The following NIPBL variants were observed in gnomAD, a reference collection of about 807,000 sequenced individuals.
NIPBL encodes NIPBL cohesin loading factor.
In NIPBL, 19 loss-of-function variants were observed where a neutral mutation model predicts 321.8. The observed-to-expected ratio is 0.06, with a 90% CI of 0.04 to 0.09. The LOEUF is 0.09. NIPBL is among the 10% of genes least tolerant of loss of function. NIPBL has a pLI of 1.00. For synonymous variants in NIPBL, 1,106 were observed against 1,114.1 expected (o/e 0.99, Z 0.14); for missense variants, 2,210 against 3,327.0 (o/e 0.66, Z 8.26).
At chr5:37,051,312 T>C (rs1383853942) in intron 40 of NIPBL, 9 of 179,398 alleles carry the variant, frequency 5.0e-5, no homozygotes, top group Non-Finnish European at 1.0e-4. Context: ...ATGACTGTTA[T>C]CAACTCTCTG....
chr5:37,032,586 G>A (rs1203205906), intron 32 of NIPBL, among the ~76,000 whole-genome samples: 1 of 151,998 alleles, frequency 6.6e-6, no homozygotes, highest in Admixed American at 6.6e-5. Flanking sequence ...CCTGGACAAT[G>A]TACTGAGACC....
chr5:37,036,602 C>A, intron 33 of NIPBL, 115 bp downstream of exon 33: 1 of 339,866 alleles, frequency 2.9e-6, no homozygotes, highest in South Asian at 6.0e-5. Context: ...GATTACTTCA[C>A]TTTTAAATGA....
intron 1 of NIPBL, among the ~76,000 whole-genome samples, chr5:36,929,264 C>T (rs1749595505): frequency 6.6e-6 from 1 of 151,818 alleles, no homozygotes; most frequent in African/African-American, 2.4e-5. Flanking sequence ...ATACTGAGCA[C>T]TTTTTTTTAT....
At chr5:36,952,053 T>TGTGTGTGTGTGTGTGTGTGTGTGTGCGC (rs778597604) in intron 1 of NIPBL, among the ~76,000 whole-genome samples, 11 of 112,110 alleles carry the variant, frequency 9.8e-5, no homozygotes, top group East Asian at 3.5e-4. Context: ...TGTGTGTGTG[T>TGTGTGTGTGTGTGTGTGTGTGTGTGCGC]GCGCGCGCGC....
chr5:36,892,985 A>G (rs1435024975), intron 1 of NIPBL, among the ~76,000 whole-genome samples: 3 of 152,348 alleles, frequency 2.0e-5, no homozygotes, highest in Non-Finnish European at 4.4e-5. Context: ...ACTTGATTAA[A>G]TTACTAGAAG....
chr5:37,000,229 A>G (rs984541168), intron 11 of NIPBL, 144 bp from the exon 12 acceptor site: 1 of 731,492 alleles, frequency 1.4e-6, no homozygotes, highest in African/African-American at 1.8e-5. Context: ...ATCATAACTT[A>G]AACTTCTGGA....
At chr5:37,064,358 G>GT (rs887735271) in intron 46 of NIPBL, 169 bp from the exon 47 acceptor site, 2 of 985,092 alleles carry the variant, frequency 2.0e-6, no homozygotes, top group Non-Finnish European at 2.4e-6. Context: ...ACAAGTATAT[G>GT]TTAACCCCTT....
At position 36,984,993 on chromosome 5, in the gene NIPBL, G is replaced by C; in HGVS notation, c.1813G>C (p.Asp605His). The C allele has an allele frequency of 6.2e-7, 1 of 1,613,864 alleles. No homozygotes were observed. Among genetic ancestry groups the C allele is most frequent in the South Asian group, 1.1e-5 (1 of 91,064 alleles). The change falls in exon 10 of 47, where the codon GAT becomes CAT. Residue 605 changes from aspartate to histidine, a missense_variant. This residue lies in a region of NIPBL where 588 missense variants were observed against 564.1 expected (regional missense o/e 1.04). Coordinates refer to ENST00000282516, the MANE Select transcript of NIPBL (RefSeq NM_133433.4). ...TCCTGAGACACCTAAAAAAAAGTCTGATCCTGAGCTTTCAAAGAGTGAAAT... is the reference window on the plus strand; with the variant it reads ...TCCTGAGACACCTAAAAAAAAGTCTCATCCTGAGCTTTCAAAGAGTGAAAT... ...NHPETPKKKS[D>H]PELSKSEMKQ...
rs747703764 is a variant in NIPBL, at chr5:36,971,033, T to C, written c.768T>C (p.Ser256=). 1.5e-5 allele frequency: 24 copies of C among 1,610,508 alleles called. 1 individual carries two copies. In the South Asian group the frequency reaches 2.6e-4, roughly 18 times the overall value. Residue 256 remains serine, a synonymous_variant, in exon 7 of 47, where the codon AGT becomes AGC. Coordinates refer to ENST00000282516, the MANE Select transcript of NIPBL (RefSeq NM_133433.4). ...TACACATGGTGCACAGGCTAAGTAG[T>C]GACGTATGTAATATATTATCATTAA... ...DYLHMVHRLS[S]DDGDSSTMRN... is the part of the protein sequence containing the mutation.
At position 36,975,909 on chromosome 5, in the gene NIPBL, T is replaced by A. The variant is rs1216541622; in HGVS notation, c.1002T>A (p.Asp334Glu). The A allele has an allele frequency of 6.2e-7, 1 of 1,612,734 alleles. No individual in the cohort carries two copies. The highest frequency in any genetic ancestry group is 8.5e-7 in the Non-Finnish European group (1 of 1,179,344). ...KKQKKMKLGK[D>E]EKEQSEKAAM... Reference sequence around the variant, plus strand: ...AGAAGAAAATGAAATTAGGCAAGGATGAAAAAGAGCAGAGTGAGAAAGCGG... The same window carrying A: ...AGAAGAAAATGAAATTAGGCAAGGAAGAAAAAGAGCAGAGTGAGAAAGCGG... Residue 334 changes from aspartate (D) to glutamate (E), a missense_variant, in exon 9 of 47, where the codon GAT becomes GAA. By Grantham distance (45) the Asp-to-Glu change is conservative. Around this residue, in one of 14 missense-constraint regions of NIPBL, gnomAD observed 464 missense variants for 529.5 expected, o/e 0.88. Coordinates refer to ENST00000282516, the MANE Select transcript of NIPBL (RefSeq NM_133433.4).
At chr5:36,965,909 G>T (rs1043192407) in intron 6 of NIPBL, among the ~76,000 whole-genome samples, 6 of 152,054 alleles carry the variant, frequency 3.9e-5, no homozygotes, top group Admixed American at 2.0e-4. Flanking sequence ...TTAGACTATT[G>T]AGAAAGGTTG....
At chr5:37,025,852 C>T (rs975354491) in intron 30 of NIPBL, among the ~76,000 whole-genome samples, 3 of 151,856 alleles carry the variant, frequency 2.0e-5, no homozygotes, top group African/African-American at 2.4e-5. Context: ...AGTAAATTTA[C>T]ATTTATATAT....
intron 1 of NIPBL, among the ~76,000 whole-genome samples, chr5:36,908,041 A>G (rs1747772222): frequency 6.6e-6 from 1 of 152,170 alleles, no homozygotes. Flanking sequence ...CAAAACCAAT[A>G]TATTTGTTCA....
At chr5:36,917,264 G>A (rs1386418543) in intron 1 of NIPBL, among the ~76,000 whole-genome samples, 1 of 152,138 alleles carries the variant, frequency 6.6e-6, no homozygotes, top group Admixed American at 6.5e-5. Flanking sequence ...ATTTTTTCAT[G>A]TGTCTGTTGG....
intron 10 of NIPBL, among the ~76,000 whole-genome samples, chr5:36,989,535 T>A (rs1745237210): frequency 6.6e-6 from 1 of 152,160 alleles, no homozygotes; most frequent in Non-Finnish European, 1.5e-5. Flanking sequence ...GTATAGTGTC[T>A]CTAAATTAAA....
chr5:36,993,392 C>T (rs1323602905), intron 10 of NIPBL, among the ~76,000 whole-genome samples: 3 of 152,048 alleles, frequency 2.0e-5, no homozygotes, highest in Non-Finnish European at 4.4e-5. Context: ...AAAGGGTAAA[C>T]TACTGTTGAT....
chr5:36,937,024 G>C (rs1738509450), intron 1 of NIPBL, among the ~76,000 whole-genome samples: 1 of 151,992 alleles, frequency 6.6e-6, no homozygotes, highest in Non-Finnish European at 1.5e-5. Context: ...TATTAAACAG[G>C]CATTATAAAA....
chr5:36,917,177 T>G (rs1351698821), intron 1 of NIPBL, among the ~76,000 whole-genome samples: 4 of 152,226 alleles, frequency 2.6e-5, no homozygotes, highest in African/African-American at 9.7e-5. Context: ...CTCCTGACTT[T>G]TTAGTGGATC....
intron 22 of NIPBL, 88 bp from the exon 23 acceptor site, chr5:37,015,948 CTT>C (rs959069529): frequency 1.7e-5 from 23 of 1,327,894 alleles, no homozygotes; most frequent in Non-Finnish European, 2.2e-5. Context: ...AAAAAGAAAA[CTT>C]AGCTAACAAT....
Sources: allele counts gnomAD v4.1 joint callset (sites outside exome capture counted in the v4.1 genomes callset), GRCh38; gene constraint gnomAD v4.1.1; regional missense constraint gnomAD v4.1.1; transcripts MANE v1.5; gene names NCBI Gene and HGNC (gene_info 2026-07-23, HGNC 2026-07-21).